BEND4: variants seen among roughly 807,000 people sequenced by gnomAD.
BEND4 encodes the protein BEN domain-containing protein 4.
Under a neutral mutation model 54.7 loss-of-function variants are expected in BEND4, and 27 were observed. The ratio of observed to expected loss-of-function variants is 0.49; its 90% CI spans 0.36 to 0.68. The LOEUF (loss-of-function observed/expected upper bound fraction) is 0.68, where lower values mean the gene tolerates loss of function less well. Among genes scored for constraint, BEND4 ranks in the 30% least tolerant of loss-of-function variants. The pLI is 0.00. For synonymous variants in BEND4, 327 were observed against 299.5 expected, an observed-to-expected ratio of 1.09 and a Z score of -0.95; for missense variants, 702 against 697.2, an observed-to-expected ratio of 1.01 and a Z score of -0.08.
At chr4:42,119,938 G>T in intron 5 of BEND4, 116 bp downstream of exon 5, 1 of 1,323,470 alleles carries the variant, frequency 7.6e-7, no homozygotes, top group Non-Finnish European at 1.1e-6. Flanking sequence ...AAGCCTAGAC[G>T]TTCTCAGCAG....
chr4:42,151,265 A>T, intron 2 of BEND4: 2 of 168,680 alleles, frequency 1.2e-5, no homozygotes, highest in Non-Finnish European at 1.3e-5. Context: ...CAGACGGAAA[A>T]AGTGAAGTAG....
chr4:42,143,780 C>G lies in BEND4; in HGVS notation c.702G>C (p.Gln234His). The part of the protein sequence containing the change: ...QTSDNVDIEM[Q>H]YMQRKQQTSA... ...AAGTTTGTTGTTTCCTTTGCATATA[C>G]TGCATCTCTATGTCTACATTGTCTG... Residue 234 changes from glutamine to histidine, a missense_variant, in exon 3 of 6, where the codon CAG (glutamine) becomes CAC (histidine). By Grantham distance (24) the Gln-to-His change is conservative. Transcript: ENST00000502486. The G allele has an allele frequency of 6.2e-7, 1 of 1,612,564 alleles. No individual in the cohort carries two copies. Among genetic ancestry groups the G allele is most frequent in the Non-Finnish European group, 8.5e-7 (1 of 1,179,118 alleles).
intron 2 of BEND4, among the ~76,000 whole-genome samples, chr4:42,149,956 G>A (rs982912194): frequency 6.6e-6 from 1 of 152,070 alleles, no homozygotes; most frequent in Non-Finnish European, 1.5e-5. Context: ...AGAAGCAAGA[G>A]GAGATCAAAG....
In BEND4 at chr4:42,112,261, C is replaced by T. The variant is rs1719602784; in HGVS notation, c.*5257G>A. 1 of 152,160 alleles carries T rather than the reference C, an allele frequency of 6.6e-6. No individual in the cohort carries two copies. Among genetic ancestry groups the T allele is most frequent in the African/African-American group, 2.4e-5 (1 of 41,436 alleles). The allele number at this position is 152,160 out of a possible 1,614,324, so 9.4% of individuals were successfully genotyped here. A position where few individuals can be genotyped will look rare whatever the true frequency, so the allele number is the denominator to read the frequency against. On this transcript the variant is annotated 3_prime_UTR_variant, in exon 6 of 6. Coordinates refer to ENST00000502486, the MANE Select transcript of BEND4 (RefSeq NM_207406.4). ...CAATGGGGATAAGAACAGTAACAGC[C>T]TCATAGGGTAGCTGTGAGGATTAAA...
chr4:42,128,736 T>C (rs912936860), intron 3 of BEND4, among the ~76,000 whole-genome samples: 2 of 151,024 alleles, frequency 1.3e-5, no homozygotes, highest in Admixed American at 1.3e-4. Flanking sequence ...ATCCCAGCAC[T>C]TTGGGATGAA....
intron 2 of BEND4, among the ~76,000 whole-genome samples, chr4:42,150,395 C>G (rs1189329929): frequency 6.6e-6 from 1 of 152,198 alleles, no homozygotes; most frequent in African/African-American, 2.4e-5. Context: ...TGCAACAGAT[C>G]AAGTCTTCAC....
chr4:42,120,002 A>G, intron 5 of BEND4, 52 bp downstream of exon 5: 1 of 1,610,396 alleles, frequency 6.2e-7, no homozygotes, highest in Non-Finnish European at 8.5e-7. Context: ...GCCACAGCCA[A>G]TGCGGTGAAA....
At chr4:42,133,719 G>C (rs1261971382) in intron 3 of BEND4, among the ~76,000 whole-genome samples, 1 of 152,168 alleles carries the variant, frequency 6.6e-6, no homozygotes, top group Non-Finnish European at 1.5e-5. Flanking sequence ...GCTGGGTGTG[G>C]TGGTGGGCGC....
chr4:42,152,020 C>G lies in BEND4; in HGVS notation c.124G>C (p.Glu42Gln). The G allele has an allele frequency of 1.6e-6, 2 of 1,253,034 alleles. No individual in the cohort carries two copies. Among genetic ancestry groups the G allele is most frequent in the Non-Finnish European group, 2.0e-6 (2 of 992,712 alleles). The allele number at this position is 1,253,034 out of a possible 1,614,324, so 77.6% of individuals were successfully genotyped here. Residue 42 changes from glutamate to glutamine, a missense_variant, in exon 2 of 6, where the codon GAG becomes CAG. By Grantham distance (29) the Glu-to-Gln change is conservative. Transcript: ENST00000502486. ...SKRPALAKRY[E>Q]RPTLVELPHV... ...GGCAGCTCCACCAGGGTGGGTCGCT[C>G]GTAGCGCTTGGCCAGCGCCGGTCTC...
In BEND4 at chr4:42,112,248, G is replaced by A. The variant is rs1468860359; in HGVS notation, c.*5270C>T. 1 of 152,178 alleles carries A rather than the reference G, an allele frequency of 6.6e-6. No homozygotes were observed. Among genetic ancestry groups the A allele is most frequent in the Middle Eastern group, 3.2e-3 (1 of 316 alleles). The allele number at this position is 152,178 out of a possible 1,614,324, so 9.4% of individuals were successfully genotyped here. On this transcript the variant is annotated 3_prime_UTR_variant, in exon 6 of 6. Transcript: ENST00000502486. ...TTCCTTATCAATACAATGGGGATAA[G>A]AACAGTAACAGCCTCATAGGGTAGC... is the stretch of plus-strand genomic sequence containing the variant.
chr4:42,140,871 G>A (rs1720856580), intron 3 of BEND4, among the ~76,000 whole-genome samples: 1 of 152,226 alleles, frequency 6.6e-6, no homozygotes, highest in Non-Finnish European at 1.5e-5. Context: ...TTATGGTTCT[G>A]AGTGGCTGAT....
chr4:42,129,379 C>A (rs1342184128), intron 3 of BEND4, among the ~76,000 whole-genome samples: 8 of 152,154 alleles, frequency 5.3e-5, no homozygotes, highest in African/African-American at 1.7e-4. Context: ...CAATACTATT[C>A]CCATTAACCT....
intron 3 of BEND4, among the ~76,000 whole-genome samples, chr4:42,141,134 G>A (rs1050729869): frequency 2.0e-5 from 3 of 152,142 alleles, no homozygotes; most frequent in African/African-American, 7.2e-5. Context: ...TGCAGTCGGT[G>A]CCTGCCTGGC....
Position 42,116,265 on chromosome 4 carries a change from G to C in BEND4, c.*1253C>G, listed in dbSNP as rs1719827001. The C allele has an allele frequency of 6.6e-6, 1 of 152,148 alleles. No homozygotes were observed. The highest frequency in any genetic ancestry group is 1.5e-5 in the Non-Finnish European group (1 of 68,036). The allele number at this position is 152,148 out of a possible 1,614,324, so 9.4% of individuals were successfully genotyped here. On this transcript the variant is annotated 3_prime_UTR_variant, in exon 6 of 6. Coordinates refer to ENST00000502486, the MANE Select transcript of BEND4 (RefSeq NM_207406.4). ...GAATGTAGTAATCTGGACTAGTTTGGTAAAGAAAGCCTCTCCTGAGTCCAA... is the reference window on the plus strand; with the variant it reads ...GAATGTAGTAATCTGGACTAGTTTGCTAAAGAAAGCCTCTCCTGAGTCCAA...
At chr4:42,142,954 T>C (rs1720941236) in intron 3 of BEND4, among the ~76,000 whole-genome samples, 1 of 152,236 alleles carries the variant, frequency 6.6e-6, no homozygotes, top group Non-Finnish European at 1.5e-5. Context: ...ACTTGAGTCC[T>C]GCCTCTCAAA....
Position 42,150,162 on chromosome 4 carries a change from A to G in BEND4, c.487+1495T>C, listed in dbSNP as rs570663355. Among the ~76,000 whole-genome samples, 6 of 152,288 alleles carry G rather than the reference A, an allele frequency of 3.9e-5. No individual in the cohort carries two copies. The East Asian group carries it at 1.2e-3, about 29-fold the overall frequency. On this transcript the variant is annotated intron_variant, in intron 2 of 5. Transcript: ENST00000502486. ...AAGAAGTAGTTTAGGAGAAAATAAG[A>G]TCTCAAGCCAGAAAGAAAGAAAATG...
chr4:42,130,912 T>C (rs1421718567), intron 3 of BEND4, among the ~76,000 whole-genome samples: 2 of 152,148 alleles, frequency 1.3e-5, no homozygotes, highest in African/African-American at 4.8e-5. Context: ...TCATGGCCTT[T>C]GCAGGGACAT....
intron 4 of BEND4, among the ~76,000 whole-genome samples, chr4:42,121,347 C>T (rs910031042): frequency 3.3e-5 from 5 of 152,150 alleles, no homozygotes; most frequent in Admixed American, 6.5e-5. Context: ...GAGTTCTGCG[C>T]GTGGAGACTC....
At chr4:42,124,654 G>A (rs1720204919) in intron 4 of BEND4, among the ~76,000 whole-genome samples, 1 of 152,156 alleles carries the variant, frequency 6.6e-6, no homozygotes, top group African/African-American at 2.4e-5. Context: ...TGGAAGTGAA[G>A]CCAGATTACA....
Sources: gnomAD v4.1 joint callset for allele counts (sites outside exome capture counted in the v4.1 genomes callset) on GRCh38, gnomAD v4.1.1 for gene constraint, MANE v1.5 for transcripts, NCBI Gene and HGNC (gene_info 2026-07-23, HGNC 2026-07-21) for gene names.